Variants in HEATR4 observed in about 807,000 individuals in gnomAD.
HEATR4 encodes the protein HEAT repeat containing 4.
In HEATR4, 95 loss-of-function variants were observed where a neutral mutation model predicts 108.8. The ratio of observed to expected loss-of-function variants is 0.87; its 90% CI spans 0.74 to 1.04. The LOEUF is 1.04. HEATR4 is among the 50% of genes least tolerant of loss of function. The pLI, the probability that HEATR4 is intolerant of heterozygous loss-of-function variation, is 0.00. For missense variants in HEATR4, 1,152 were observed against 1,253.8 expected (o/e 0.92, Z 1.23); for synonymous variants, 443 against 459.4 (o/e 0.96, Z 0.46).
At chr14:73,622,549 C>T in the HEATR4 span, among the ~76,000 whole-genome samples, 2 of 151,856 alleles carry the variant, frequency 1.3e-5, no homozygotes, top group African/African-American at 2.4e-5. Flanking sequence ...ATTATAGGCG[C>T]ACCACCACAC....
chr14:73,592,334 C>T, the HEATR4 span: 2 of 1,604,832 alleles, frequency 1.2e-6, no homozygotes, highest in Middle Eastern at 1.7e-4. Context: ...AGGCGCAGCA[C>T]GAGCGCCACT....
intron 4 of HEATR4, 43 bp downstream of exon 4, chr14:73,520,809 C>A (rs1187070540): frequency 6.4e-7 from 1 of 1,554,938 alleles, no homozygotes; most frequent in Non-Finnish European, 8.8e-7. Flanking sequence ...CTTCCTGGCC[C>A]ATGTCCCCGT....
chr14:73,499,837 C>T (rs1321964192), intron 12 of HEATR4, among the ~76,000 whole-genome samples: 1 of 152,150 alleles, frequency 6.6e-6, no homozygotes, highest in Admixed American at 6.5e-5. Flanking sequence ...GCTCTAGAAT[C>T]GAAGTCTGGG....
chr14:73,542,522 G>A lies in HEATR4; in HGVS notation c.-151-12278C>T, dbSNP rs1413087298. Reference sequence around the variant, plus strand: ...CAGGTTCAAGCGATTCTCCTGCCTCGGCCTCCTGAGTAGCTGGGACTACAG... The same window carrying A: ...CAGGTTCAAGCGATTCTCCTGCCTCAGCCTCCTGAGTAGCTGGGACTACAG... On this transcript the variant is annotated intron_variant, in intron 1 of 17. Coordinates refer to ENST00000553558, the MANE Select transcript of HEATR4 (RefSeq NM_001220484.1). 4.9e-5 allele frequency among the ~76,000 whole-genome samples: 5 copies of A among 102,850 alleles called. 1 individual carries two copies. Among genetic ancestry groups the A allele is most frequent in the African/African-American group, 6.7e-5 (2 of 29,982 alleles). 67.5% of individuals were successfully genotyped at this position (102,850 alleles called of 152,430 possible). A position where few individuals can be genotyped will look rare whatever the true frequency, so the allele number is the denominator to read the frequency against.
chr14:73,544,198 G>A (rs1399083226), intron 1 of HEATR4, among the ~76,000 whole-genome samples: 2 of 115,358 alleles, frequency 1.7e-5, no homozygotes, highest in African/African-American at 5.6e-5. Flanking sequence ...GGAGGCTGAC[G>A]CAGGAGAATT....
Position 73,550,906 on chromosome 14 carries a change from T to A in HEATR4, c.-152+7845A>T. 1.7e-5 allele frequency among the ~76,000 whole-genome samples: 2 copies of A among 114,340 alleles called. 1 individual carries two copies. Among genetic ancestry groups the A allele is most frequent in the Non-Finnish European group, 3.8e-5 (2 of 52,502 alleles). The allele number at this position is 114,340 out of a possible 152,430, so 75.0% of individuals were successfully genotyped here. ...GCTGGGCGCGGTGGCATGGCTATAG[T>A]CCCAGCACTTTGGGAGACAGAGGCG... On this transcript the variant is annotated intron_variant, in intron 1 of 17. Coordinates refer to ENST00000553558, the MANE Select transcript of HEATR4 (RefSeq NM_001220484.1).
the HEATR4 span, among the ~76,000 whole-genome samples, chr14:73,626,672 A>G: frequency 6.6e-6 from 1 of 151,150 alleles, no homozygotes; most frequent in African/African-American, 2.4e-5. Flanking sequence ...AAAAAAAAAA[A>G]GTTCAAGGTG....
chr14:73,623,265 T>A, the HEATR4 span, among the ~76,000 whole-genome samples: 2 of 152,184 alleles, frequency 1.3e-5, no homozygotes, highest in African/African-American at 4.8e-5. Flanking sequence ...AATTTACAAC[T>A]TTCATAAAAT....
At chr14:73,575,716 G>A in the HEATR4 span, 3 of 519,520 alleles carry the variant, frequency 5.8e-6, no homozygotes, top group Non-Finnish European at 3.4e-6. Context: ...GGGAGTAACT[G>A]TAGGAAACAC....
chr14:73,594,673 GTTATTTAT>G, the HEATR4 span, among the ~76,000 whole-genome samples: 1,862 of 147,226 alleles, frequency 0.013, 28 homozygotes, highest in East Asian at 0.045. Flanking sequence ...CATTGGATAA[GTTATTTAT>G]TTATTTATTT....
chr14:73,568,678 G>A, the HEATR4 span, among the ~76,000 whole-genome samples: 1 of 151,974 alleles, frequency 6.6e-6, no homozygotes, highest in Non-Finnish European at 1.5e-5. Flanking sequence ...CTAGCATTTT[G>A]GGAGGCTGAG....
chr14:73,509,077 G>T (rs1247866775), intron 8 of HEATR4, among the ~76,000 whole-genome samples: 1 of 152,110 alleles, frequency 6.6e-6, no homozygotes, highest in African/African-American at 2.4e-5. Flanking sequence ...ATGTTGCCCA[G>T]GCTGGTTTAG....
Position 73,512,317 on chromosome 14 carries a change from G to A in HEATR4, c.1415-168C>T, listed in dbSNP as rs946103202. Among the ~76,000 whole-genome samples the A allele has an allele frequency of 3.9e-5, 6 of 152,158 alleles. No homozygotes were observed. The South Asian group carries it at 1.0e-3, about 26-fold the overall frequency. On this transcript the variant is annotated intron_variant, in intron 6 of 17. Transcript: ENST00000553558. ...GGGGTCTTTAGGGAGTTATTTCTCT[G>A]ATGATCCATGTACCCTCACAAGTAA...
At position 73,509,332 on chromosome 14, in the gene HEATR4, A is replaced by G; in HGVS notation, c.1700T>C (p.Met567Thr). Reference protein sequence around the residue: ...QSHNPLARNIMQTALLKGNSV... With the variant: ...QSHNPLARNITQTALLKGNSV... ...CTCACCCTTCAGAAGGGCAGTCTGC[A>G]TGATGTTCCGGGCAAGGGGATTATG... The change falls in exon 8 of 18, where the codon ATG becomes ACG. Residue 567 changes from methionine (M) to threonine (T), a missense_variant. By Grantham distance (81) the Met-to-Thr change is moderately conservative (BLOSUM62 -1). Transcript: ENST00000553558. The G allele has an allele frequency of 3.7e-6, 6 of 1,614,154 alleles. No individual in the cohort carries two copies. Among genetic ancestry groups the G allele is most frequent in the Non-Finnish European group, 5.1e-6 (6 of 1,180,022 alleles).
rs2140297988 is a variant in HEATR4 at position 73,522,611 on chromosome 14, A to G, written c.542T>C (p.Leu181Pro). The change falls in exon 3 of 18, where the codon CTA (leucine) becomes CCA (proline). Residue 181 changes from leucine to proline, a missense_variant. By Grantham distance (98) the Leu-to-Pro change is moderately conservative. Transcript: ENST00000553558. ...TTCTCTTTCCTCCAGGTTCACATCTAGAGAAGGTGGCCGACCCAGCATATC... is the reference window on the plus strand; with the variant it reads ...TTCTCTTTCCTCCAGGTTCACATCTGGAGAAGGTGGCCGACCCAGCATATC... Reference protein sequence around the residue: ...HPDMLGRPPSLDVNLEEREAW... With the variant: ...HPDMLGRPPSPDVNLEEREAW... 3 of 1,614,200 alleles carry G rather than the reference A, an allele frequency of 1.9e-6. No homozygotes were observed. Among genetic ancestry groups the G allele is most frequent in the Non-Finnish European group, 2.5e-6 (3 of 1,180,026 alleles).
chr14:73,585,204 T>A, the HEATR4 span, among the ~76,000 whole-genome samples: 1 of 152,104 alleles, frequency 6.6e-6, no homozygotes, highest in Non-Finnish European at 1.5e-5. Context: ...CTGGCCACCT[T>A]GTCTCGCTCA....
At chr14:73,558,370 GTTT>G (rs67300726) in intron 1 of HEATR4, among the ~76,000 whole-genome samples, 3 of 120,300 alleles carry the variant, frequency 2.5e-5, no homozygotes, top group Non-Finnish European at 3.6e-5. Context: ...GCCTTGATTT[GTTT>G]TTTTTTTTTT....
At chr14:73,576,201 T>G in the HEATR4 span, among the ~76,000 whole-genome samples, 1 of 151,814 alleles carries the variant, frequency 6.6e-6, no homozygotes, top group African/African-American at 2.4e-5. Context: ...AATGATTACC[T>G]ACTGTGGAAG....
chr14:73,592,592 C>T, the HEATR4 span, among the ~76,000 whole-genome samples: 286 of 152,332 alleles, frequency 1.9e-3, 1 homozygote, highest in African/African-American at 6.5e-3. Context: ...GTGACTAACG[C>T]CTGTAATCCC....
Sources: allele counts gnomAD v4.1 joint callset (sites outside exome capture counted in the v4.1 genomes callset), GRCh38; gene constraint gnomAD v4.1.1; transcripts MANE v1.5; gene names NCBI Gene and HGNC (gene_info 2026-07-23, HGNC 2026-07-21).